Variants in IPO8 observed in about 807,000 individuals in gnomAD.
IPO8 encodes importin 8.
In IPO8, 65 loss-of-function variants were observed where a neutral mutation model predicts 141.2. The observed-to-expected ratio is 0.46, with a 90% CI of 0.38 to 0.57. The LOEUF is 0.57. Among genes scored for constraint, IPO8 ranks in the 20% least tolerant of loss-of-function variants. The probability of loss-of-function intolerance (pLI) is 0.00; values close to 1 mark genes in which losing one functional copy is unlikely to be tolerated. For missense variants in IPO8, 980 were observed against 1,246.8 expected (o/e 0.79, Z 3.22); for synonymous variants, 411 against 420.3 (o/e 0.98, Z 0.27).
chr12:30,644,414 T>C (rs1176902927), intron 20 of IPO8, among the ~76,000 whole-genome samples: 1 of 135,094 alleles, frequency 7.4e-6, no homozygotes, highest in Non-Finnish European at 1.6e-5. Flanking sequence ...TAAAACTTTA[T>C]GATTTTTTAG....
At chr12:30,631,169 A>C (rs1490416244) in intron 24 of IPO8, among the ~76,000 whole-genome samples, 1 of 152,194 alleles carries the variant, frequency 6.6e-6, no homozygotes, top group Non-Finnish European at 1.5e-5. Flanking sequence ...AAATCTGCAA[A>C]AAACGAGTGA....
intron 6 of IPO8, 75 bp downstream of exon 6, chr12:30,676,423 G>T: frequency 2.4e-6 from 2 of 823,988 alleles, no homozygotes; most frequent in East Asian, 2.6e-5. Context: ...AGAGCAGTCA[G>T]GGATAATGCA....
rs534882683 is a variant in IPO8 at position 30,631,902 on chromosome 12, C to T, written c.3009G>A (p.Thr1003=). Residue 1003 remains threonine, a synonymous_variant, in exon 24 of 25, where the codon ACG becomes ACA. Coordinates refer to ENST00000256079, the MANE Select transcript of IPO8 (RefSeq NM_006390.4). ...EVYTLAEHRR[T]VAEAKKKIEQ... ...GAGGTTACTCTGGCTGACCTGCCAC[C>T]GTCCGTCGGTGCTCTGCCAGTGTGT... is the stretch of plus-strand genomic sequence containing the variant. 4.1e-5 allele frequency: 66 copies of T among 1,608,978 alleles called. No individual in the cohort carries two copies. The highest frequency in any genetic ancestry group is 2.0e-4 in the Middle Eastern group (1 of 4,912).
rs1565501956 is a variant in IPO8 at position 30,663,657 on chromosome 12, G to GGGT, written c.1429-4_1429-3insACC. ...AATGCATGAAGTACCCAGCAAGACT[G>GGGT]TATTATTAAAAAAGGTAAGTAGGGA... On this transcript the variant is annotated splice_region_variant and splice_polypyrimidine_tract_variant and intron_variant, in intron 13 of 24. Transcript: ENST00000256079. 6.3e-7 allele frequency: 1 copy of GGGT among 1,593,224 alleles called. No homozygotes were observed.
rs748586563 is a variant in IPO8, at chr12:30,670,965, T to C, written c.1041A>G (p.Ile347Met). The C allele has an allele frequency of 6.2e-7, 1 of 1,612,870 alleles. No individual in the cohort carries two copies. Among genetic ancestry groups the C allele is most frequent in the Admixed American group, 1.7e-5 (1 of 59,950 alleles). ...SITWKQMKPH[I>M]QNISEDVIFS... ...AGAGCTGCTCTCTGACACTAACCTG[T>C]ATGTGTGGCTTCATCTGCTTCCAGG... is the stretch of plus-strand genomic sequence containing the variant. Residue 347 changes from isoleucine to methionine, a missense_variant, in exon 9 of 25, where the codon ATA becomes ATG. Ile to Met is a conservative substitution (Grantham distance 10). Around this residue, in one of 3 missense-constraint regions of IPO8, gnomAD observed 924 missense variants for 1,153.9 expected, o/e 0.80. Transcript: ENST00000256079.
Position 30,684,509 on chromosome 12 carries a change from A to T in IPO8, c.167-52T>A, listed in dbSNP as rs370080020. 3.8e-6 allele frequency: 6 copies of T among 1,571,772 alleles called. No individual in the cohort carries two copies. The Admixed American group carries it at 5.1e-5, about 13-fold the overall frequency. On this transcript the variant is annotated intron_variant, in intron 2 of 24. Transcript: ENST00000256079. ...AGCAGTACCAAAAAGGATGGCTTTA[A>T]TTCAGCCTTACAGAGCATGAAAGTC...
chr12:30,694,044 A>G (rs1033167977), intron 1 of IPO8, among the ~76,000 whole-genome samples: 1 of 152,190 alleles, frequency 6.6e-6, no homozygotes, highest in African/African-American at 2.4e-5. Flanking sequence ...AAAGAAATGA[A>G]GGTTAGGTGA....
intron 2 of IPO8, among the ~76,000 whole-genome samples, chr12:30,684,809 T>A (rs2136172631): frequency 6.6e-6 from 1 of 152,346 alleles, no homozygotes; most frequent in Admixed American, 6.5e-5. Flanking sequence ...CTTTCCTTCA[T>A]GAAGATGGCT....
At position 30,653,082 on chromosome 12, in the gene IPO8, T is replaced by A. The variant is rs1410816924; in HGVS notation, c.1959A>T (p.Glu653Asp). The A allele has an allele frequency of 3.7e-6, 6 of 1,606,902 alleles. No homozygotes were observed. Among genetic ancestry groups the A allele is most frequent in the Non-Finnish European group, 5.1e-6 (6 of 1,177,674 alleles). Residue 653 changes from glutamate to aspartate, a missense_variant, in exon 18 of 25, where the codon GAA becomes GAT. Glu to Asp is a conservative substitution (Grantham distance 45). Coordinates refer to ENST00000256079, the MANE Select transcript of IPO8 (RefSeq NM_006390.4). ...VLQKHVIEFY[E>D]EILSLAYSLT... ...AACTGTATGCCAGGGAAAGAATTTC[T>A]TCATAGAATTCTAGAAGAAAGAAAA...
At chr12:30,653,212 C>T (rs760200201) in intron 17 of IPO8, 120 bp from the exon 18 acceptor site, 19 of 771,176 alleles carry the variant, frequency 2.5e-5, no homozygotes, top group Non-Finnish European at 3.7e-5. Context: ...CCAATGTACT[C>T]ATAAGCCTCC....
intron 21 of IPO8, among the ~76,000 whole-genome samples, chr12:30,638,154 C>T (rs994569540): frequency 3.3e-5 from 5 of 151,996 alleles, no homozygotes; most frequent in Non-Finnish European, 7.4e-5. Flanking sequence ...CCAAGGACTC[C>T]CAGTCTACAC....
At chr12:30,676,474 T>C in intron 6 of IPO8, 24 bp downstream of exon 6, 2 of 1,558,434 alleles carry the variant, frequency 1.3e-6, no homozygotes, top group Non-Finnish European at 1.8e-6. Context: ...TCCCCTATTT[T>C]TCTTGGGAAA....
chr12:30,640,161 A>G (rs2052557659), intron 20 of IPO8, among the ~76,000 whole-genome samples: 1 of 152,206 alleles, frequency 6.6e-6, no homozygotes, highest in African/African-American at 2.4e-5. Flanking sequence ...TTTGAGAAAG[A>G]AAATTCCTGT....
At chr12:30,649,264 G>A in intron 19 of IPO8, 32 bp from the exon 20 acceptor site, 1 of 1,479,212 alleles carries the variant, frequency 6.8e-7, no homozygotes, top group Non-Finnish European at 9.4e-7. Flanking sequence ...TCAGCAGTAA[G>A]TGGCACTGCA....
chr12:30,674,599 A>G, intron 7 of IPO8, 60 bp downstream of exon 7: 1 of 1,234,794 alleles, frequency 8.1e-7, no homozygotes, highest in South Asian at 1.2e-5. Context: ...AAGACAGATA[A>G]TCATATCTGA....
At chr12:30,637,533 G>C (rs1005077526) in intron 21 of IPO8, among the ~76,000 whole-genome samples, 2 of 152,078 alleles carry the variant, frequency 1.3e-5, no homozygotes, top group Non-Finnish European at 2.9e-5. Context: ...CAATGGTTGG[G>C]GGGAATGAAG....
In IPO8 at chr12:30,630,977, A is replaced by C; in HGVS notation, c.3017-20T>G. 6.3e-7 allele frequency: 1 copy of C among 1,587,106 alleles called. No individual in the cohort carries two copies. Among genetic ancestry groups the C allele is most frequent in the South Asian group, 1.1e-5 (1 of 89,470 alleles). ...TTGCCTCTAGCATTTTTCAAAAGAA[A>C]AGGGGAGAAGAAAAAAAAAGAATGC... On this transcript the variant is annotated intron_variant, in intron 24 of 24. Coordinates refer to ENST00000256079, the MANE Select transcript of IPO8 (RefSeq NM_006390.4).
intron 21 of IPO8, 39 bp from the exon 22 acceptor site, chr12:30,637,226 A>T: frequency 6.9e-7 from 1 of 1,455,352 alleles, no homozygotes; most frequent in African/African-American, 1.4e-5. Flanking sequence ...AGACATGAGA[A>T]GTGGAATAAA....
Position 30,695,048 on chromosome 12 carries a change from G to T in IPO8, c.84+516C>A. ...TTCTTCCCAGAGCACTCTCCCAACA[G>T]CACTGCCCAGCGCTCCGCAAAACTC... On this transcript the variant is annotated intron_variant, in intron 1 of 24. Transcript: ENST00000256079. This position sits in a 1 kb window ranked among gnomAD's most constrained non-coding sequence, Gnocchi z 4.2. 1 of 456,642 alleles carries T rather than the reference G, an allele frequency of 2.2e-6. No homozygotes were observed. The highest frequency in any genetic ancestry group is 4.4e-6 in the Non-Finnish European group (1 of 227,300). 28.3% of individuals were successfully genotyped at this position (456,642 alleles called of 1,614,324 possible). A position where few individuals can be genotyped will look rare whatever the true frequency, so the allele number is the denominator to read the frequency against.
Sources: allele counts gnomAD v4.1 joint callset (sites outside exome capture counted in the v4.1 genomes callset), GRCh38; gene constraint gnomAD v4.1.1; regional missense constraint gnomAD v4.1.1; non-coding constraint Gnocchi (gnomAD v3.1); transcripts MANE v1.5; gene names NCBI Gene and HGNC (gene_info 2026-07-23, HGNC 2026-07-21).